Variants in PTPRM observed in about 807,000 individuals in gnomAD.
PTPRM encodes the protein receptor-type tyrosine-protein phosphatase mu.
A neutral mutation model predicts 186.7 loss-of-function variants in PTPRM; 47 were observed. The ratio of observed to expected loss-of-function variants is 0.25; its 90% CI spans 0.20 to 0.32. PTPRM has a LOEUF of 0.32. Among genes scored for constraint, PTPRM ranks in the 10% least tolerant of loss-of-function variants. PTPRM has a pLI of 1.00. For synonymous variants in PTPRM, 668 were observed against 674.9 expected, an observed-to-expected ratio of 0.99 and a Z score of 0.16; for missense variants, 1,494 against 1,865.0, an observed-to-expected ratio of 0.80 and a Z score of 3.66.
intron 14 of PTPRM, among the ~76,000 whole-genome samples, chr18:8,225,562 G>C (rs576894926): frequency 1.3e-5 from 2 of 152,200 alleles, no homozygotes; most frequent in Admixed American, 1.3e-4. Flanking sequence ...TGACCACAAG[G>C]GGAGCTCATT....
chr18:7,712,397 A>T (rs551123791), intron 1 of PTPRM, among the ~76,000 whole-genome samples: 1 of 152,270 alleles, frequency 6.6e-6, no homozygotes, highest in South Asian at 2.1e-4. Flanking sequence ...ATCCATGAAG[A>T]TGGGGAGAAA....
chr18:8,083,154 C>T (rs1029810101), intron 9 of PTPRM, among the ~76,000 whole-genome samples: 1 of 152,120 alleles, frequency 6.6e-6, no homozygotes, highest in Non-Finnish European at 1.5e-5. Context: ...CTTCAATTGC[C>T]CCACCAATCA....
chr18:7,904,600 G>A (rs1330693274), intron 3 of PTPRM, among the ~76,000 whole-genome samples: 2 of 152,130 alleles, frequency 1.3e-5, no homozygotes, highest in Admixed American at 6.5e-5. Context: ...TCATTAATTT[G>A]CTCCTTTTTA....
At chr18:8,031,667 G>A (rs943112915) in intron 7 of PTPRM, among the ~76,000 whole-genome samples, 5 of 152,146 alleles carry the variant, frequency 3.3e-5, no homozygotes, top group African/African-American at 1.2e-4. Flanking sequence ...GCAGTAAGAG[G>A]TAGCCACACC....
chr18:7,744,572 A>G (rs1214364662), intron 1 of PTPRM, among the ~76,000 whole-genome samples: 1 of 152,164 alleles, frequency 6.6e-6, no homozygotes, highest in Non-Finnish European at 1.5e-5. Context: ...TGTCTCACTT[A>G]TTAAAATATA....
At chr18:7,807,911 C>T (rs1178458653) in intron 2 of PTPRM, among the ~76,000 whole-genome samples, 1 of 152,060 alleles carries the variant, frequency 6.6e-6, no homozygotes, top group Non-Finnish European at 1.5e-5. Context: ...CATAATTTAC[C>T]CTGCAGGTAC....
intron 1 of PTPRM, among the ~76,000 whole-genome samples, chr18:7,713,331 G>A (rs1202418189): frequency 6.6e-6 from 1 of 151,970 alleles, no homozygotes; most frequent in Admixed American, 6.6e-5. Context: ...AGAGATTTTT[G>A]TTACCACCAG....
intron 20 of PTPRM, among the ~76,000 whole-genome samples, chr18:8,300,535 T>C (rs557337264): frequency 6.6e-6 from 1 of 151,740 alleles, no homozygotes; most frequent in Non-Finnish European, 1.5e-5. Flanking sequence ...TGTTGAAGTC[T>C]CCGATCCAAG....
chr18:7,855,456 A>G (rs1369272731), intron 2 of PTPRM, among the ~76,000 whole-genome samples: 1 of 152,182 alleles, frequency 6.6e-6, no homozygotes, highest in Non-Finnish European at 1.5e-5. Context: ...CTTCCATGGA[A>G]CATGCCACCT....
chr18:8,222,913 C>CA (rs1267901514), intron 14 of PTPRM, among the ~76,000 whole-genome samples: 1 of 73,824 alleles, frequency 1.4e-5, no homozygotes, highest in Non-Finnish European at 3.3e-5. Flanking sequence ...TATAGTGAGA[C>CA]CCCCCATCTC....
chr18:7,611,638 ATGT>A (rs1284055736), intron 1 of PTPRM, among the ~76,000 whole-genome samples: 2 of 152,182 alleles, frequency 1.3e-5, no homozygotes, highest in Non-Finnish European at 2.9e-5. Context: ...GAATTCCCAC[ATGT>A]TGTGGGAGGA....
At chr18:8,103,925 TC>T (rs1283758751) in intron 11 of PTPRM, among the ~76,000 whole-genome samples, 1 of 152,194 alleles carries the variant, frequency 6.6e-6, no homozygotes, top group African/African-American at 2.4e-5. Context: ...TGTATGGTTA[TC>T]ATTTGTTCTA....
chr18:8,370,784 C>T (rs2095658657), intron 23 of PTPRM, 106 bp from the exon 24 acceptor site: 2 of 622,354 alleles, frequency 3.2e-6, no homozygotes, highest in Admixed American at 5.6e-5. Flanking sequence ...ATACAATTAA[C>T]TTTTGTGTGC....
At chr18:8,248,125 T>C (rs1568598942) in intron 16 of PTPRM, 25 bp from the exon 17 acceptor site, 1 of 1,525,860 alleles carries the variant, frequency 6.6e-7, no homozygotes, top group African/African-American at 1.4e-5. Flanking sequence ...TTTCTCTGCA[T>C]TGACCTGCTT....
At chr18:7,748,552 A>G (rs923423503) in intron 1 of PTPRM, among the ~76,000 whole-genome samples, 1 of 152,180 alleles carries the variant, frequency 6.6e-6, no homozygotes, top group African/African-American at 2.4e-5. Flanking sequence ...TGTGGAGCAG[A>G]GCTGCCAAAT....
chr18:8,338,881 A>G (rs910394620), intron 22 of PTPRM, among the ~76,000 whole-genome samples: 2 of 152,224 alleles, frequency 1.3e-5, no homozygotes, highest in Non-Finnish European at 2.9e-5. Flanking sequence ...TGTAGAAAAC[A>G]TAGTGTATAG....
intron 2 of PTPRM, among the ~76,000 whole-genome samples, chr18:7,858,942 C>A (rs113762268): frequency 2.6e-5 from 4 of 152,288 alleles, no homozygotes; most frequent in South Asian, 2.1e-4. Flanking sequence ...TTACTTGTTA[C>A]TGTAATTATA....
At chr18:8,352,653 G>GTTTTTTTTT (rs1355276752) in intron 23 of PTPRM, among the ~76,000 whole-genome samples, 2 of 121,340 alleles carry the variant, frequency 1.6e-5, no homozygotes, top group Non-Finnish European at 3.6e-5. Context: ...TTTTGGTTTG[G>GTTTTTTTTT]TTTTTTTTGT....
chr18:7,734,766 A>G (rs904409225), intron 1 of PTPRM, among the ~76,000 whole-genome samples: 1 of 152,198 alleles, frequency 6.6e-6, no homozygotes, highest in Non-Finnish European at 1.5e-5. Flanking sequence ...TCGTTGGCAT[A>G]ATAGGGAAAA....
Sources: allele counts gnomAD v4.1 joint callset (sites outside exome capture counted in the v4.1 genomes callset), GRCh38; gene constraint gnomAD v4.1.1; transcripts MANE v1.5; gene names NCBI Gene and HGNC (gene_info 2026-07-23, HGNC 2026-07-21).